FAT3: variants seen among roughly 807,000 people sequenced by gnomAD.
FAT3 encodes the protein FAT atypical cadherin 3, also known as protocadherin Fat 3.
Under a neutral mutation model 310.2 loss-of-function variants are expected in FAT3, and 95 were observed. The observed-to-expected ratio is 0.31, with a 90% CI of 0.26 to 0.36. The LOEUF is 0.36. FAT3 is among the 10% of genes least tolerant of loss of function. The pLI, the probability that FAT3 is intolerant of heterozygous loss-of-function variation, is 1.00. For synonymous variants in FAT3, 2,314 were observed against 2,192.9 expected (o/e 1.06, Z -1.54); for missense variants, 5,408 against 5,715.6 (o/e 0.95, Z 1.74).
In FAT3 at chr11:92,857,215, A is replaced by C. The variant is rs1279773303; in HGVS notation, c.11367A>C (p.Gly3789=). Residue 3789 remains glycine (G), a splice_region_variant and synonymous_variant, in exon 20 of 28, where the codon GGA becomes GGC. Coordinates refer to ENST00000525166, the MANE Select transcript of FAT3 (RefSeq NM_001367949.2). ...FYRNVRCTCN[G]GLCPGSNDPC... ...ATGCATATTCCACCTTTGTCACAGG[A>C]GGACTGTGTCCGGGGTCCAACGATC... The C allele has an allele frequency of 6.2e-7, 1 of 1,613,932 alleles. No homozygotes were observed. The highest frequency in any genetic ancestry group is 8.5e-7 in the Non-Finnish European group (1 of 1,179,858).
At chr11:92,569,052 G>A (rs1955577338) in intron 3 of FAT3, among the ~76,000 whole-genome samples, 1 of 152,146 alleles carries the variant, frequency 6.6e-6, no homozygotes, top group Non-Finnish European at 1.5e-5. Flanking sequence ...GTCTCTCCCA[G>A]TCAGCTGTCA....
rs75527815 is a variant in FAT3 at position 92,797,982 on chromosome 11, G to T, written c.4969G>T (p.Val1657Leu). The T allele has an allele frequency of 3.5e-4, 569 of 1,613,894 alleles. 6 individuals carry two copies. The East Asian group carries it at 0.013, about 36-fold the overall frequency. The part of the protein sequence containing the change: ...GSPPMSATAI[V>L]RISVTMSDNS... ...CCCGCCAATGTCTGCTACTGCAATT[G>T]TGCGCATTTCCGTCACCATGTCTGA... The change falls in exon 10 of 28, where the codon GTG (valine) becomes TTG (leucine). Residue 1657 changes from valine (V) to leucine (L), a missense_variant. This residue lies in a region of FAT3 where 4,588 missense variants were observed against 4,809.8 expected (regional missense o/e 0.95). Coordinates refer to ENST00000525166, the MANE Select transcript of FAT3 (RefSeq NM_001367949.2).
At chr11:92,431,982 G>T (rs1950792560) in intron 2 of FAT3, among the ~76,000 whole-genome samples, 1 of 152,106 alleles carries the variant, frequency 6.6e-6, no homozygotes, top group South Asian at 2.1e-4. Flanking sequence ...GGCAATGCGG[G>T]CTCTTTTTTG....
chr11:92,673,108 T>G (rs1047485506), intron 3 of FAT3, among the ~76,000 whole-genome samples: 1 of 152,244 alleles, frequency 6.6e-6, no homozygotes, highest in South Asian at 2.1e-4. Context: ...GCTTTTAATT[T>G]AGGCTACTTT....
intron 1 of FAT3, among the ~76,000 whole-genome samples, chr11:92,264,069 A>C (rs1157671253): frequency 6.6e-6 from 1 of 152,172 alleles, no homozygotes; most frequent in Non-Finnish European, 1.5e-5. Flanking sequence ...TTGACCAATC[A>C]CTGCCAACCC....
At position 92,799,681 on chromosome 11, in the gene FAT3, T is replaced by A. The variant is rs750966868; in HGVS notation, c.6668T>A (p.Ile2223Asn). The A allele has an allele frequency of 1.7e-5, 28 of 1,613,564 alleles. No individual in the cohort carries two copies. Among genetic ancestry groups the A allele is most frequent in the Non-Finnish European group, 2.4e-5 (28 of 1,179,726 alleles). ...PEGQGIIYII[I>N]DGDPFKQFNI... ...GGCCAAGGCATCATATATATCATTA[T>A]CGATGGGGACCCTTTTAAACAGTTT... Residue 2223 changes from isoleucine to asparagine, a missense_variant, in exon 10 of 28, where the codon ATC becomes AAC. This residue lies in a region of FAT3 where 4,588 missense variants were observed against 4,809.8 expected (regional missense o/e 0.95). Transcript: ENST00000525166.
intron 4 of FAT3, among the ~76,000 whole-genome samples, chr11:92,744,095 A>G (rs1945583663): frequency 6.6e-6 from 1 of 152,206 alleles, no homozygotes; most frequent in Admixed American, 6.5e-5. Context: ...ACAGCCAGCT[A>G]TGTCCCTAGT....
intron 1 of FAT3, among the ~76,000 whole-genome samples, chr11:92,314,088 C>T (rs1947375505): frequency 6.6e-6 from 1 of 152,260 alleles, no homozygotes; most frequent in East Asian, 1.9e-4. Flanking sequence ...TTTTCAATGA[C>T]TCTATAGAAC....
chr11:92,563,200 G>C (rs1365480149), intron 3 of FAT3, among the ~76,000 whole-genome samples: 1 of 152,070 alleles, frequency 6.6e-6, no homozygotes, highest in Non-Finnish European at 1.5e-5. Flanking sequence ...TTTTCTAATT[G>C]GCTTCTGGGT....
intron 1 of FAT3, among the ~76,000 whole-genome samples, chr11:92,317,475 G>T (rs144071291): frequency 1.8e-3 from 279 of 152,260 alleles, no homozygotes; most frequent in African/African-American, 6.3e-3. Flanking sequence ...AGGGAGAAAA[G>T]ATTGTTCTTT....
chr11:92,747,308 T>C (rs1261825991), intron 4 of FAT3, among the ~76,000 whole-genome samples: 1 of 152,238 alleles, frequency 6.6e-6, no homozygotes, highest in East Asian at 1.9e-4. Context: ...GCTTAAGGCT[T>C]GCACCCTCTG....
intron 1 of FAT3, among the ~76,000 whole-genome samples, chr11:92,345,577 A>G (rs954887145): frequency 6.6e-6 from 1 of 152,158 alleles, no homozygotes; most frequent in African/African-American, 2.4e-5. Context: ...GATGGTTCTG[A>G]TGGTCTCTAG....
At chr11:92,484,093 A>G (rs994100377) in intron 2 of FAT3, among the ~76,000 whole-genome samples, 3 of 152,246 alleles carry the variant, frequency 2.0e-5, no homozygotes, top group African/African-American at 7.2e-5. Context: ...CAATGTGAGC[A>G]TCTGCATGAA....
At chr11:92,230,623 T>A (rs572646317) in intron 1 of FAT3, among the ~76,000 whole-genome samples, 3 of 152,348 alleles carry the variant, frequency 2.0e-5, no homozygotes, top group South Asian at 4.1e-4. Context: ...AAAATTATTT[T>A]AAAGTTCTTT....
At chr11:92,434,806 G>T (rs1247858513) in intron 2 of FAT3, among the ~76,000 whole-genome samples, 1 of 152,162 alleles carries the variant, frequency 6.6e-6, no homozygotes, top group African/African-American at 2.4e-5. Flanking sequence ...TTCATTAAAT[G>T]CAGGTGTTTA....
At chr11:92,397,811 C>T (rs1445475648) in intron 2 of FAT3, among the ~76,000 whole-genome samples, 1 of 150,600 alleles carries the variant, frequency 6.6e-6, no homozygotes, top group Non-Finnish European at 1.5e-5. Flanking sequence ...AGATAGATAT[C>T]AGTGACACTC....
At chr11:92,805,699 A>T (rs1947488875) in intron 11 of FAT3, among the ~76,000 whole-genome samples, 1 of 152,174 alleles carries the variant, frequency 6.6e-6, no homozygotes, top group South Asian at 2.1e-4. Flanking sequence ...CAGGATGTTA[A>T]CTTGTTTATA....
At chr11:92,606,149 CA>C (rs1454304082) in intron 3 of FAT3, among the ~76,000 whole-genome samples, 1 of 152,132 alleles carries the variant, frequency 6.6e-6, no homozygotes, top group African/African-American at 2.4e-5. Flanking sequence ...TCTGTTAAGT[CA>C]GGAAACTATG....
intron 2 of FAT3, among the ~76,000 whole-genome samples, chr11:92,469,155 G>T (rs11019971): frequency 6.6e-6 from 1 of 152,068 alleles, no homozygotes; most frequent in Non-Finnish European, 1.5e-5. Flanking sequence ...TAAAAGGCAG[G>T]CATGTGGGAT....
Sources: allele counts gnomAD v4.1 joint callset (sites outside exome capture counted in the v4.1 genomes callset), GRCh38; gene constraint gnomAD v4.1.1; regional missense constraint gnomAD v4.1.1; transcripts MANE v1.5; gene names NCBI Gene and HGNC (gene_info 2026-07-23, HGNC 2026-07-21).